The following RYR3 variants were observed in gnomAD, a reference collection of about 807,000 sequenced individuals.
RYR3 encodes ryanodine receptor 3.
Under a neutral mutation model 584.3 loss-of-function variants are expected in RYR3, and 207 were observed. The ratio of observed to expected loss-of-function variants is 0.35; its 90% CI spans 0.32 to 0.40. The LOEUF is 0.40. RYR3 is among the 10% of genes least tolerant of loss of function. The probability of loss-of-function intolerance (pLI) is 1.00; values close to 1 mark genes in which losing one functional copy is unlikely to be tolerated. For synonymous variants in RYR3, 2,416 were observed against 2,248.5 expected, an observed-to-expected ratio of 1.07 and a Z score of -2.11; for missense variants, 5,616 against 6,089.2, an observed-to-expected ratio of 0.92 and a Z score of 2.59.
intron 1 of RYR3, among the ~76,000 whole-genome samples, chr15:33,470,806 T>C (rs1222940440): frequency 4.6e-5 from 7 of 152,132 alleles, no homozygotes; most frequent in Admixed American, 4.6e-4. Context: ...GAAAAGGAGA[T>C]ACAAAATGTG....
intron 3 of RYR3, among the ~76,000 whole-genome samples, chr15:33,520,692 T>G (rs1221731003): frequency 2.0e-5 from 3 of 151,754 alleles, no homozygotes; most frequent in Admixed American, 2.0e-4. Context: ...GGCGATTTGC[T>G]CTTTTAAAAG....
At chr15:33,492,559 G>GA (rs1182346296) in intron 2 of RYR3, among the ~76,000 whole-genome samples, 1 of 152,098 alleles carries the variant, frequency 6.6e-6, no homozygotes, top group Non-Finnish European at 1.5e-5. Context: ...AGGCATTGGG[G>GA]AAAAATCTCA....
At chr15:33,490,963 G>T (rs951153065) in intron 2 of RYR3, among the ~76,000 whole-genome samples, 1 of 152,106 alleles carries the variant, frequency 6.6e-6, no homozygotes, top group Non-Finnish European at 1.5e-5. Context: ...AAGGGTGGTG[G>T]TTCCCATCTT....
chr15:33,835,277 C>A lies in RYR3; in HGVS notation c.11568+205C>A, dbSNP rs562119445. Reference sequence around the variant, plus strand: ...GCGCGGGGTCCCAGACAGGCTTTTGCATGAACGCAGCTTCCTTCTTTGTGT... The same window carrying A: ...GCGCGGGGTCCCAGACAGGCTTTTGAATGAACGCAGCTTCCTTCTTTGTGT... On this transcript the variant is annotated intron_variant, in intron 87 of 103. Coordinates refer to ENST00000634891, the MANE Select transcript of RYR3 (RefSeq NM_001036.6). Among the ~76,000 whole-genome samples, 14 of 151,810 alleles carry A rather than the reference C, an allele frequency of 9.2e-5. No individual in the cohort carries two copies. The South Asian group carries it at 2.3e-3, about 25-fold the overall frequency.
At chr15:33,673,874 C>T (rs377255397) in intron 38 of RYR3, among the ~76,000 whole-genome samples, 8 of 152,282 alleles carry the variant, frequency 5.3e-5, no homozygotes, top group Middle Eastern at 3.4e-3. Context: ...TGGGTGGCAT[C>T]GGTTAAGAAC....
chr15:33,488,406 C>G (rs2050659943), intron 2 of RYR3, among the ~76,000 whole-genome samples: 1 of 150,056 alleles, frequency 6.7e-6, no homozygotes, highest in African/African-American at 2.4e-5. Flanking sequence ...TTTTTTTCTT[C>G]CTCCGCCGAC....
intron 2 of RYR3, among the ~76,000 whole-genome samples, chr15:33,492,213 A>T (rs2051021565): frequency 6.6e-6 from 1 of 152,154 alleles, no homozygotes; most frequent in Non-Finnish European, 1.5e-5. Flanking sequence ...AAATCCTTGC[A>T]GATGTAAACA....
intron 60 of RYR3, among the ~76,000 whole-genome samples, chr15:33,758,930 A>T (rs796377412): frequency 2.1e-4 from 32 of 152,258 alleles, no homozygotes; most frequent in African/African-American, 7.7e-4. Flanking sequence ...CTCTGAGACA[A>T]AGCTTCCAGA....
In RYR3 at chr15:33,311,138, A is replaced by AGGAGCGC. The variant is rs1382511354; in HGVS notation, c.51+52_51+58dup. On this transcript the variant is annotated intron_variant, in intron 1 of 103. Transcript: ENST00000634891. This position sits in a 1 kb window ranked among gnomAD's most constrained non-coding sequence, Gnocchi z 4.4. ...GGGGCGAGGCCGTGGGCAGGTGGGG[A>AGGAGCGC]GGAGCGCGGAGCGCGGCGAGGAGGG... 2 of 1,480,590 alleles carry AGGAGCGC rather than the reference A, an allele frequency of 1.4e-6. No individual in the cohort carries two copies. Among genetic ancestry groups the AGGAGCGC allele is most frequent in the Non-Finnish European group, 9.1e-7 (1 of 1,097,820 alleles). The allele number at this position is 1,480,590 out of a possible 1,614,324, so 91.7% of individuals were successfully genotyped here.
intron 1 of RYR3, among the ~76,000 whole-genome samples, chr15:33,440,858 AT>A (rs57447959): frequency 0.24 from 35,986 of 151,992 alleles, 4,454 homozygotes; most frequent in Middle Eastern, 0.34. Flanking sequence ...TAATACATGC[AT>A]TTTCCAAGTA....
chr15:33,517,820 T>C (rs1049182242), intron 3 of RYR3, among the ~76,000 whole-genome samples: 1 of 152,130 alleles, frequency 6.6e-6, no homozygotes, highest in Non-Finnish European at 1.5e-5. Context: ...CCAAGTCCAA[T>C]TGGCCTGAGA....
At chr15:33,504,670 C>T (rs186248701) in intron 3 of RYR3, among the ~76,000 whole-genome samples, 1 of 152,322 alleles carries the variant, frequency 6.6e-6, no homozygotes, top group Admixed American at 6.5e-5. Context: ...AATTCCTAAA[C>T]ATGGCTTAGA....
intron 72 of RYR3, among the ~76,000 whole-genome samples, chr15:33,811,968 T>G (rs1346533843): frequency 1.3e-5 from 2 of 151,648 alleles, no homozygotes; most frequent in Non-Finnish European, 2.9e-5. Context: ...GCCCCAAACA[T>G]ATAGGAATGG....
intron 67 of RYR3, among the ~76,000 whole-genome samples, chr15:33,789,818 G>A (rs1174871796): frequency 8.4e-4 from 117 of 139,750 alleles, no homozygotes; most frequent in African/African-American, 3.0e-3. Flanking sequence ...GGGATTACAG[G>A]CGCAGGCCAC....
intron 1 of RYR3, among the ~76,000 whole-genome samples, chr15:33,386,409 G>T (rs998226140): frequency 6.6e-6 from 1 of 152,148 alleles, no homozygotes; most frequent in African/African-American, 2.4e-5. Context: ...TTACTTTCGC[G>T]TCAAAAATTT....
rs1244226575 is a variant in RYR3 at position 33,644,578 on chromosome 15, G to A, written c.3765+59G>A. 6 of 1,329,184 alleles carry A rather than the reference G, an allele frequency of 4.5e-6. No individual in the cohort carries two copies. In the East Asian group the frequency reaches 1.4e-4, roughly 32 times the overall value. 82.3% of individuals were successfully genotyped at this position (1,329,184 alleles called of 1,614,324 possible). A position where few individuals can be genotyped will look rare whatever the true frequency, so the allele number is the denominator to read the frequency against. On this transcript the variant is annotated intron_variant, in intron 28 of 103. Transcript: ENST00000634891. ...TCAGGTGGGCCAAGGCCCTAAGCTTGCCCTAAGTCTCCTGTCAACAGGCAG... is the reference window on the plus strand; with the variant it reads ...TCAGGTGGGCCAAGGCCCTAAGCTTACCCTAAGTCTCCTGTCAACAGGCAG...
chr15:33,503,231 A>T (rs2052159605), intron 2 of RYR3, among the ~76,000 whole-genome samples: 2 of 152,194 alleles, frequency 1.3e-5, no homozygotes, highest in Admixed American at 6.5e-5. Context: ...CTAGAGCCAC[A>T]TTATGGTCTG....
At chr15:33,591,859 G>C (rs75937936) in intron 16 of RYR3, among the ~76,000 whole-genome samples, 6,058 of 152,246 alleles carry the variant, frequency 0.04, 389 homozygotes, top group African/African-American at 0.13. Flanking sequence ...TATAGGACTT[G>C]ACATAAAAAT....
chr15:33,759,570 A>G (rs2152864921), intron 60 of RYR3, among the ~76,000 whole-genome samples: 1 of 152,328 alleles, frequency 6.6e-6, no homozygotes, highest in Admixed American at 6.5e-5. Context: ...AACTAAATGA[A>G]ATAAAGCATA....
Sources: gnomAD v4.1 joint callset for allele counts (sites outside exome capture counted in the v4.1 genomes callset) on GRCh38, gnomAD v4.1.1 for gene constraint, Gnocchi (gnomAD v3.1) non-coding constraint, MANE v1.5 for transcripts, NCBI Gene and HGNC (gene_info 2026-07-23, HGNC 2026-07-21) for gene names.